The following ICA1 variants were observed in gnomAD, a reference collection of about 807,000 sequenced individuals.
ICA1 encodes islet cell autoantigen 1.
ICA1 carries 40 observed loss-of-function variants against 71.0 expected under a neutral mutation model. That is an observed-to-expected ratio of 0.56 (90% confidence interval 0.44 to 0.73). The LOEUF is 0.73. Ranked by LOEUF, ICA1 falls within the 30% of genes least tolerant of loss-of-function variation. The probability of loss-of-function intolerance (pLI) is 0.00; values close to 1 mark genes in which losing one functional copy is unlikely to be tolerated. For synonymous variants in ICA1, 207 were observed against 209.5 expected (o/e 0.99, Z 0.10); for missense variants, 578 against 576.5 (o/e 1.00, Z -0.03).
chr7:8,161,563 A>G (rs947621967), intron 6 of ICA1, among the ~76,000 whole-genome samples: 10 of 152,252 alleles, frequency 6.6e-5, no homozygotes, highest in Non-Finnish European at 1.5e-4. Flanking sequence ...AAACAATGCC[A>G]GCCTGTTTCC....
chr7:8,203,495 G>C (rs1394733511), intron 6 of ICA1, among the ~76,000 whole-genome samples: 2 of 152,276 alleles, frequency 1.3e-5, no homozygotes, highest in African/African-American at 2.4e-5. Context: ...TATTTCTCAA[G>C]GTGTGATCTA....
chr7:8,116,561 G>C (rs1420250765), intron 13 of ICA1: 3 of 152,158 alleles, frequency 2.0e-5, no homozygotes, highest in Non-Finnish European at 4.4e-5. Flanking sequence ...TATGGATAAG[G>C]CATCTTTGCT....
intron 4 of ICA1, 119 bp from the exon 5 acceptor site, chr7:8,221,517 A>T: frequency 1.7e-6 from 2 of 1,171,502 alleles, no homozygotes; most frequent in Non-Finnish European, 2.4e-6. Context: ...ATGAAATTAA[A>T]TCTAAGCGGC....
intron 6 of ICA1, among the ~76,000 whole-genome samples, chr7:8,178,237 C>A (rs1442885274): frequency 6.6e-6 from 1 of 152,142 alleles, no homozygotes; most frequent in Non-Finnish European, 1.5e-5. Context: ...TTGTGCCATA[C>A]CTTCTAGGAA....
intron 13 of ICA1, among the ~76,000 whole-genome samples, chr7:8,126,211 C>A (rs1191817110): frequency 1.3e-5 from 2 of 152,214 alleles, no homozygotes; most frequent in African/African-American, 4.8e-5. Flanking sequence ...AGCTGAGGAT[C>A]TGAGTGGGGT....
intron 1 of ICA1, among the ~76,000 whole-genome samples, chr7:8,237,511 T>C (rs1051428825): frequency 4.6e-5 from 7 of 152,192 alleles, no homozygotes; most frequent in Admixed American, 4.6e-4. Flanking sequence ...GTGCTAACAA[T>C]ATACACTTTG....
chr7:8,239,997 A>G (rs190659110), intron 1 of ICA1, among the ~76,000 whole-genome samples: 297 of 152,326 alleles, frequency 1.9e-3, no homozygotes, highest in Middle Eastern at 6.8e-3. Context: ...GGCAGCAGAA[A>G]CTTCTGCAGA....
chr7:8,232,621 G>C lies in ICA1; in HGVS notation c.152C>G (p.Ala51Gly), dbSNP rs202075124. 9.9e-6 allele frequency: 16 copies of C among 1,612,790 alleles called. No homozygotes were observed. The highest frequency in any genetic ancestry group is 1.4e-5 in the Non-Finnish European group (16 of 1,179,402). ...TGKKEDEHVV[A>G]SDADLDAKLE... Reference sequence around the variant, plus strand: ...CTTGGCATCCAGGTCCGCGTCAGAGGCAACAACATGTTCATCTTCCTTCTT... The same window carrying C: ...CTTGGCATCCAGGTCCGCGTCAGAGCCAACAACATGTTCATCTTCCTTCTT... The change falls in exon 3 of 14, where the codon GCC (alanine) becomes GGC (glycine). Residue 51 changes from alanine to glycine, a missense_variant. By Grantham distance (60) the Ala-to-Gly change is moderately conservative. Transcript: ENST00000402384.
intron 3 of ICA1, among the ~76,000 whole-genome samples, chr7:8,230,776 C>T (rs561919731): frequency 4.3e-4 from 66 of 152,286 alleles, no homozygotes; most frequent in African/African-American, 1.5e-3. Flanking sequence ...TACTTTCCTC[C>T]ATTGCAGAAA....
intron 6 of ICA1, among the ~76,000 whole-genome samples, chr7:8,186,012 A>G (rs1783796844): frequency 6.6e-6 from 1 of 152,224 alleles, no homozygotes; most frequent in Admixed American, 6.5e-5. Flanking sequence ...TAATCATGAT[A>G]CACATTAGGA....
At chr7:8,230,377 T>C (rs1799909802) in intron 3 of ICA1, among the ~76,000 whole-genome samples, 1 of 152,236 alleles carries the variant, frequency 6.6e-6, no homozygotes, top group East Asian at 1.9e-4. Context: ...TAGCCTTCTA[T>C]GGATAACTCA....
intron 6 of ICA1, among the ~76,000 whole-genome samples, chr7:8,171,152 C>G (rs1212331328): frequency 6.6e-6 from 1 of 151,836 alleles, no homozygotes; most frequent in Non-Finnish European, 1.5e-5. Flanking sequence ...TAACTCTGCC[C>G]TCATAAAATG....
chr7:8,152,254 T>C (rs997238714), intron 8 of ICA1, among the ~76,000 whole-genome samples: 3 of 151,968 alleles, frequency 2.0e-5, no homozygotes, highest in Non-Finnish European at 4.4e-5. Context: ...GCCTCACCTG[T>C]GAAACTCACA....
intron 8 of ICA1, among the ~76,000 whole-genome samples, chr7:8,147,901 G>A (rs988515959): frequency 6.6e-6 from 1 of 152,118 alleles, no homozygotes; most frequent in East Asian, 1.9e-4. Context: ...TGCACATTCT[G>A]CCCATGTCTG....
chr7:8,200,037 A>C (rs759673542), intron 6 of ICA1, among the ~76,000 whole-genome samples: 13 of 152,204 alleles, frequency 8.5e-5, no homozygotes, highest in Non-Finnish European at 1.9e-4. Flanking sequence ...TTAATTGTAC[A>C]TTTTAAAGTA....
chr7:8,199,823 T>C (rs1214317191), intron 6 of ICA1, among the ~76,000 whole-genome samples: 1 of 152,134 alleles, frequency 6.6e-6, no homozygotes, highest in Non-Finnish European at 1.5e-5. Context: ...AGACAAACAT[T>C]GCATGTTCTC....
intron 8 of ICA1, among the ~76,000 whole-genome samples, chr7:8,152,575 C>CAAT (rs1799275321): frequency 8.3e-6 from 1 of 120,182 alleles, no homozygotes; most frequent in African/African-American, 2.7e-5. Context: ...ACCACCACCA[C>CAAT]CATCTCCTTC....
chr7:8,125,343 T>C (rs1788767875), intron 13 of ICA1, among the ~76,000 whole-genome samples: 1 of 152,236 alleles, frequency 6.6e-6, no homozygotes, highest in Non-Finnish European at 1.5e-5. Context: ...TCCAGCCAAG[T>C]GTCCTTCCTG....
chr7:8,179,223 AG>A (rs1210556093), intron 6 of ICA1, among the ~76,000 whole-genome samples: 3 of 152,202 alleles, frequency 2.0e-5, no homozygotes, highest in Non-Finnish European at 4.4e-5. Flanking sequence ...GGAACACAAA[AG>A]AAAAACTTCT....
Sources: gnomAD v4.1 joint callset for allele counts (sites outside exome capture counted in the v4.1 genomes callset) on GRCh38, gnomAD v4.1.1 for gene constraint, MANE v1.5 for transcripts, NCBI Gene and HGNC (gene_info 2026-07-23, HGNC 2026-07-21) for gene names.